XYLT1: variants seen among roughly 807,000 people sequenced by gnomAD.
XYLT1 encodes xylosyltransferase 1.
A neutral mutation model predicts 91.3 loss-of-function variants in XYLT1; 36 were observed. That is an observed-to-expected ratio of 0.39 (90% CI 0.30 to 0.52). XYLT1 has a LOEUF of 0.52. Among genes scored for constraint, XYLT1 ranks in the 20% least tolerant of loss-of-function variants. XYLT1 has a pLI of 0.68. For missense variants in XYLT1, 1,242 were observed against 1,284.5 expected, an observed-to-expected ratio of 0.97 and a Z score of 0.51; for synonymous variants, 588 against 532.0, an observed-to-expected ratio of 1.11 and a Z score of -1.45.
intron 7 of XYLT1, among the ~76,000 whole-genome samples, chr16:17,140,711 G>A (rs921221977): frequency 4.0e-5 from 6 of 149,844 alleles, no homozygotes; most frequent in African/African-American, 1.5e-4. Context: ...GGTGTGTCCT[G>A]AAAGGGTCAG....
intron 2 of XYLT1, among the ~76,000 whole-genome samples, chr16:17,265,051 G>A (rs2033783838): frequency 6.6e-6 from 1 of 152,186 alleles, no homozygotes; most frequent in African/African-American, 2.4e-5. Flanking sequence ...AGCTGGGCGT[G>A]GTGGCACGCA....
chr16:17,248,547 C>T (rs1387631373), intron 3 of XYLT1, among the ~76,000 whole-genome samples: 1 of 152,018 alleles, frequency 6.6e-6, no homozygotes, highest in Non-Finnish European at 1.5e-5. Flanking sequence ...GGAAGAGCTC[C>T]CCTGTTGGTC....
intron 2 of XYLT1, among the ~76,000 whole-genome samples, chr16:17,285,500 T>C (rs554615949): frequency 5.2e-4 from 79 of 152,322 alleles, no homozygotes; most frequent in African/African-American, 1.8e-3. Flanking sequence ...GCCCCATGAC[T>C]GTCTCAGAAC....
At chr16:17,441,735 T>G (rs1266055547) in intron 1 of XYLT1, among the ~76,000 whole-genome samples, 1 of 152,182 alleles carries the variant, frequency 6.6e-6, no homozygotes, top group Non-Finnish European at 1.5e-5. Context: ...CAGGAAATCC[T>G]CAGCAACACT....
chr16:17,386,082 G>T (rs1458500480), intron 1 of XYLT1, among the ~76,000 whole-genome samples: 1 of 152,116 alleles, frequency 6.6e-6, no homozygotes, highest in Non-Finnish European at 1.5e-5. Context: ...GGGAAAACCG[G>T]TATCGCTTTA....
At chr16:17,140,717 G>T (rs536974717) in intron 7 of XYLT1, among the ~76,000 whole-genome samples, 32 of 147,812 alleles carry the variant, frequency 2.2e-4, no homozygotes, top group Admixed American at 2.0e-3. Context: ...TCCTGAAAGG[G>T]TCAGCATATA....
chr16:17,300,951 C>A (rs2141811649), intron 2 of XYLT1, among the ~76,000 whole-genome samples: 1 of 152,258 alleles, frequency 6.6e-6, no homozygotes, highest in Middle Eastern at 3.4e-3. Flanking sequence ...ATTAGCTGTG[C>A]AACTCTGGGT....
chr16:17,165,586 G>C (rs1007479673), intron 5 of XYLT1, among the ~76,000 whole-genome samples: 1 of 152,072 alleles, frequency 6.6e-6, no homozygotes, highest in Non-Finnish European at 1.5e-5. Context: ...CCAGCTACTC[G>C]GAGGCTGAGG....
chr16:17,138,569 C>CAGCCTCCCACAGATGAACTGGGGTGG, intron 7 of XYLT1, 38 bp from the exon 8 acceptor site: 1 of 1,597,498 alleles, frequency 6.3e-7, no homozygotes, highest in Non-Finnish European at 8.6e-7. Context: ...AGACCTCTCC[C>CAGCCTCCCACAGATGAACTGGGGTGG]AGCCTCCCAC....
chr16:17,213,109 T>C (rs1249785178), intron 3 of XYLT1, among the ~76,000 whole-genome samples: 1 of 152,164 alleles, frequency 6.6e-6, no homozygotes, highest in Non-Finnish European at 1.5e-5. Context: ...GACTGGATCA[T>C]GGGGGTGGAT....
intron 4 of XYLT1, 122 bp downstream of exon 4, chr16:17,200,360 C>G (rs544224363): frequency 7.8e-7 from 1 of 1,277,014 alleles, no homozygotes; most frequent in Non-Finnish European, 1.1e-6. Flanking sequence ...GGCAGCTGGT[C>G]AGCTTCCAAG....
At chr16:17,449,735 A>C (rs998311735) in intron 1 of XYLT1, among the ~76,000 whole-genome samples, 1 of 152,172 alleles carries the variant, frequency 6.6e-6, no homozygotes, top group Non-Finnish European at 1.5e-5. Context: ...TGCATCAACT[A>C]CTAAGAACAC....
rs1187540927 is a variant in XYLT1 at position 17,198,377 on chromosome 16, G to C, written c.1124C>G (p.Ser375Cys). The change falls in exon 5 of 12, where the codon TCC becomes TGC. Residue 375 changes from serine (S) to cysteine (C), a missense_variant. This residue lies in a region of XYLT1 where 294 missense variants were observed against 376.0 expected (regional missense o/e 0.78). Transcript: ENST00000261381. ...GACGCGGACATTGCTGTACTGCCTG[G>C]AGACCTGGAGCACTTGCCGATGCAG... ...NYLHRQVLQVSRQYSNVRVTP... is the reference protein window; with the variant it reads ...NYLHRQVLQVCRQYSNVRVTP... 1 of 1,614,074 alleles carries C rather than the reference G, an allele frequency of 6.2e-7. No individual in the cohort carries two copies. The highest frequency in any genetic ancestry group is 2.2e-5 in the East Asian group (1 of 44,880).
At chr16:17,413,249 C>T (rs1184812448) in intron 1 of XYLT1, among the ~76,000 whole-genome samples, 3 of 152,166 alleles carry the variant, frequency 2.0e-5, no homozygotes, top group African/African-American at 7.2e-5. Flanking sequence ...ATCAATGCCA[C>T]ACACTGTGCA....
chr16:17,353,541 A>G (rs1292547389), intron 2 of XYLT1, among the ~76,000 whole-genome samples: 1 of 152,236 alleles, frequency 6.6e-6, no homozygotes, highest in Non-Finnish European at 1.5e-5. Flanking sequence ...CTTTTAAAAT[A>G]AATTTTCATT....
At chr16:17,194,668 A>G (rs1379840043) in intron 5 of XYLT1, among the ~76,000 whole-genome samples, 2 of 152,214 alleles carry the variant, frequency 1.3e-5, no homozygotes, top group African/African-American at 4.8e-5. Flanking sequence ...GCCTGGGGCC[A>G]TCCTGCCAGT....
intron 2 of XYLT1, among the ~76,000 whole-genome samples, chr16:17,334,899 A>G (rs2034955845): frequency 6.6e-6 from 1 of 151,334 alleles, no homozygotes; most frequent in African/African-American, 2.4e-5. Flanking sequence ...CAAAAACAAA[A>G]AAAAGATCAA....
At chr16:17,455,528 A>C (rs2036728850) in intron 1 of XYLT1, among the ~76,000 whole-genome samples, 1 of 152,110 alleles carries the variant, frequency 6.6e-6, no homozygotes, top group South Asian at 2.1e-4. Flanking sequence ...AGGTGGGCGA[A>C]TCACTTGAGG....
chr16:17,241,160 A>G (rs1328652308), intron 3 of XYLT1, among the ~76,000 whole-genome samples: 8 of 152,248 alleles, frequency 5.3e-5, no homozygotes, highest in Non-Finnish European at 1.2e-4. Context: ...ATTATTAATC[A>G]GCCACTGGGG....
Sources: gnomAD v4.1 joint callset for allele counts (sites outside exome capture counted in the v4.1 genomes callset) on GRCh38, gnomAD v4.1.1 for gene constraint, gnomAD v4.1.1 regional missense constraint, MANE v1.5 for transcripts, NCBI Gene and HGNC (gene_info 2026-07-23, HGNC 2026-07-21) for gene names.